The following SLC13A3 variants were observed in gnomAD, a reference collection of about 807,000 sequenced individuals.
SLC13A3 encodes the protein Na(+)/dicarboxylate cotransporter 3.
In SLC13A3, 40 loss-of-function variants were observed where a neutral mutation model predicts 59.0. The ratio of observed to expected loss-of-function variants is 0.68; its 90% CI spans 0.53 to 0.88. The LOEUF is 0.88. Ranked by LOEUF, SLC13A3 falls within the 40% of genes least tolerant of loss-of-function variation. The pLI is 0.00. For synonymous variants in SLC13A3, 317 were observed against 330.3 expected (o/e 0.96, Z 0.44); for missense variants, 699 against 783.2 (o/e 0.89, Z 1.28).
At chr20:46,601,949 G>A (rs1404203052) in intron 3 of SLC13A3, among the ~76,000 whole-genome samples, 1 of 152,198 alleles carries the variant, frequency 6.6e-6, no homozygotes, top group Non-Finnish European at 1.5e-5. Flanking sequence ...GAGCTCACAG[G>A]AAGGACTGTG....
rs537355757 is a variant in SLC13A3 at position 46,584,398 on chromosome 20, A to G, written c.1122-729T>C. On this transcript the variant is annotated intron_variant, in intron 8 of 12. Coordinates refer to ENST00000279027, the MANE Select transcript of SLC13A3 (RefSeq NM_022829.6). ...CACAATTCAATAAGGAATTGGTTAA[A>G]TAAATTGAAGTGCTCCCATTCTGTA... 1.4e-4 allele frequency: 141 copies of G among 985,452 alleles called. 1 individual carries two copies. In the African/African-American group the frequency reaches 2.2e-3, roughly 15 times the overall value. 61.0% of individuals were successfully genotyped at this position (985,452 alleles called of 1,614,324 possible).
In SLC13A3 at chr20:46,642,953, G is replaced by A. The variant is rs1336318805; in HGVS notation, c.111+8358C>T. Among the ~76,000 whole-genome samples the A allele has an allele frequency of 2.6e-5, 4 of 152,156 alleles. No homozygotes were observed. In the East Asian group the frequency reaches 5.8e-4, roughly 22 times the overall value. On this transcript the variant is annotated intron_variant, in intron 1 of 12. Transcript: ENST00000279027. ...AGGGGTCTCCTCCTGTCTGCACGTG[G>A]GCTCTTCATTGGGCAAATGGAGAGA...
At chr20:46,613,400 T>C (rs1182032074) in intron 2 of SLC13A3, 60 bp downstream of exon 2, 1 of 1,466,404 alleles carries the variant, frequency 6.8e-7, no homozygotes. Flanking sequence ...AGGTATAGGC[T>C]CCAGAGGTGT....
intron 1 of SLC13A3, among the ~76,000 whole-genome samples, chr20:46,626,606 C>T (rs907237440): frequency 3.3e-5 from 5 of 152,158 alleles, no homozygotes; most frequent in African/African-American, 9.7e-5. Flanking sequence ...GCTGAGCTTC[C>T]TGTGGGCAAA....
chr20:46,595,239 G>C (rs1452587410), intron 5 of SLC13A3, among the ~76,000 whole-genome samples: 1 of 152,196 alleles, frequency 6.6e-6, no homozygotes, highest in East Asian at 1.9e-4. Flanking sequence ...AAATACTGAA[G>C]TTTTAAAAGC....
chr20:46,586,479 C>T (rs991065965), intron 8 of SLC13A3, among the ~76,000 whole-genome samples: 7 of 152,194 alleles, frequency 4.6e-5, no homozygotes, highest in African/African-American at 7.2e-5. Context: ...TTGATTCCTA[C>T]GGATTTAACT....
intron 1 of SLC13A3, among the ~76,000 whole-genome samples, chr20:46,616,869 C>T (rs1411076252): frequency 2.6e-5 from 4 of 152,184 alleles, no homozygotes; most frequent in African/African-American, 7.2e-5. Flanking sequence ...TCGGTTTCCA[C>T]AGCTCAGAGA....
chr20:46,639,815 C>T (rs1485901585), intron 1 of SLC13A3, among the ~76,000 whole-genome samples: 1 of 152,212 alleles, frequency 6.6e-6, no homozygotes, highest in Non-Finnish European at 1.5e-5. Context: ...ATGGCTTAAT[C>T]TCTCTGAGCC....
intron 1 of SLC13A3, among the ~76,000 whole-genome samples, chr20:46,629,574 T>C (rs1359327789): frequency 6.6e-6 from 1 of 152,262 alleles, no homozygotes; most frequent in Non-Finnish European, 1.5e-5. Flanking sequence ...TCATCCATCC[T>C]TTCTTACTTT....
intron 1 of SLC13A3, among the ~76,000 whole-genome samples, chr20:46,667,186 G>A (rs142404762): frequency 8.5e-5 from 13 of 152,156 alleles, no homozygotes; most frequent in African/African-American, 2.9e-4. Flanking sequence ...TTCATCAAAG[G>A]CTCCAGACAA....
upstream of SLC13A3, among the ~76,000 whole-genome samples, chr20:46,655,304 C>T (rs1249852169): frequency 6.7e-6 from 1 of 149,140 alleles, no homozygotes; most frequent in Non-Finnish European, 1.5e-5. Context: ...CACATATATA[C>T]ACACACATAT....
intron 1 of SLC13A3, among the ~76,000 whole-genome samples, chr20:46,618,600 C>T (rs1379769530): frequency 6.6e-6 from 1 of 152,190 alleles, no homozygotes; most frequent in African/African-American, 2.4e-5. Flanking sequence ...CTTCCTTCTG[C>T]CATGTGAGGA....
chr20:46,611,314 T>C (rs1255046575), intron 2 of SLC13A3, among the ~76,000 whole-genome samples: 1 of 152,340 alleles, frequency 6.6e-6, no homozygotes, highest in East Asian at 1.9e-4. Flanking sequence ...AATTTTAGAA[T>C]ATGTTTAAGA....
At chr20:46,566,108 C>G (rs754930514) in intron 11 of SLC13A3, 121 bp downstream of exon 11, 19 of 762,166 alleles carry the variant, frequency 2.5e-5, no homozygotes, top group Non-Finnish European at 4.1e-5. Flanking sequence ...CTGATACGTT[C>G]ATGTATTTTG....
rs149996836 is a variant in SLC13A3 at position 46,606,155 on chromosome 20, T to C, written c.541+4291A>G. On this transcript the variant is annotated intron_variant, in intron 3 of 12. Coordinates refer to ENST00000279027, the MANE Select transcript of SLC13A3 (RefSeq NM_022829.6). ...GGCCCTTCACGGAGCTTGGAACCTG[T>C]GGAGGAGACAGATTATAAACCAGGA... Among the ~76,000 whole-genome samples, 356 of 152,278 alleles carry C rather than the reference T, an allele frequency of 2.3e-3. 3 individuals carry two copies. Among genetic ancestry groups the C allele is most frequent in the African/African-American group, 8.2e-3 (339 of 41,548 alleles).
intron 1 of SLC13A3, among the ~76,000 whole-genome samples, chr20:46,621,511 C>A (rs1446762654): frequency 6.6e-6 from 1 of 152,160 alleles, no homozygotes; most frequent in Non-Finnish European, 1.5e-5. Flanking sequence ...TGTTGAGAAA[C>A]AAAGTTTGTA....
chr20:46,601,166 AG>A (rs2062376985), intron 3 of SLC13A3, among the ~76,000 whole-genome samples: 1 of 152,182 alleles, frequency 6.6e-6, no homozygotes, highest in Middle Eastern at 3.2e-3. Context: ...GAACTAAATC[AG>A]GGAAGGGGAC....
At chr20:46,575,074 G>C (rs1265701088) in intron 10 of SLC13A3, among the ~76,000 whole-genome samples, 1 of 152,076 alleles carries the variant, frequency 6.6e-6, no homozygotes, top group African/African-American at 2.4e-5. Context: ...CCGGCAGGCT[G>C]AGGCTGCAGT....
At chr20:46,569,881 A>G (rs941080329) in intron 10 of SLC13A3, among the ~76,000 whole-genome samples, 1 of 152,216 alleles carries the variant, frequency 6.6e-6, no homozygotes, top group Non-Finnish European at 1.5e-5. Flanking sequence ...GTAGAGGAGC[A>G]TCTTATAAGG....
Sources: allele counts gnomAD v4.1 joint callset (sites outside exome capture counted in the v4.1 genomes callset), GRCh38; gene constraint gnomAD v4.1.1; transcripts MANE v1.5; gene names NCBI Gene and HGNC (gene_info 2026-07-23, HGNC 2026-07-21).